Variants in PPARGC1A observed in about 807,000 individuals in gnomAD.
The protein encoded by PPARGC1A is PPARG coactivator 1 alpha.
A neutral mutation model predicts 88.7 loss-of-function variants in PPARGC1A; 25 were observed. The ratio of observed to expected loss-of-function variants is 0.28; its 90% CI spans 0.21 to 0.39. The LOEUF (loss-of-function observed/expected upper bound fraction) is 0.39, where lower values mean the gene tolerates loss of function less well. Among genes scored for constraint, PPARGC1A ranks in the 10% least tolerant of loss-of-function variants. The pLI is 1.00. For synonymous variants in PPARGC1A, 363 were observed against 355.6 expected, an observed-to-expected ratio of 1.02 and a Z score of -0.24; for missense variants, 880 against 968.7, an observed-to-expected ratio of 0.91 and a Z score of 1.22.
the PPARGC1A span, among the ~76,000 whole-genome samples, chr4:24,398,786 C>G: frequency 2.0e-5 from 3 of 152,184 alleles, no homozygotes; most frequent in Non-Finnish European, 2.9e-5. Flanking sequence ...ATGTGCATTT[C>G]TCCACATCTT....
At chr4:23,920,220 G>A in the PPARGC1A span, among the ~76,000 whole-genome samples, 89 of 152,258 alleles carry the variant, frequency 5.8e-4, 1 homozygote, top group Non-Finnish European at 7.1e-4. Context: ...AAATATAACA[G>A]TATGGGTTAA....
At chr4:23,837,715 T>G (rs1316855097) in intron 2 of PPARGC1A, among the ~76,000 whole-genome samples, 1 of 152,236 alleles carries the variant, frequency 6.6e-6, no homozygotes, top group East Asian at 1.9e-4. Flanking sequence ...AATGACATTC[T>G]TGGATTATCC....
the PPARGC1A span, among the ~76,000 whole-genome samples, chr4:24,342,984 C>T: frequency 5.8e-4 from 88 of 152,322 alleles, no homozygotes; most frequent in East Asian, 5.8e-3. Context: ...CTGTGCCATC[C>T]TCATGTTATG....
the PPARGC1A span, among the ~76,000 whole-genome samples, chr4:24,180,517 T>C: frequency 6.6e-6 from 1 of 152,232 alleles, no homozygotes; most frequent in Admixed American, 6.5e-5. Flanking sequence ...TTCTCAGCTA[T>C]ATAGAAAAGG....
chr4:24,347,060 T>A, the PPARGC1A span, among the ~76,000 whole-genome samples: 1 of 152,338 alleles, frequency 6.6e-6, no homozygotes, highest in East Asian at 1.9e-4. Context: ...AATTTCCATG[T>A]ATTTGCATGG....
chr4:24,314,241 G>A, the PPARGC1A span, among the ~76,000 whole-genome samples: 4 of 152,190 alleles, frequency 2.6e-5, no homozygotes, highest in Admixed American at 2.0e-4. Context: ...CTGTGCTATG[G>A]TTTGAATGTT....
the PPARGC1A span, among the ~76,000 whole-genome samples, chr4:23,964,293 T>C: frequency 6.6e-6 from 1 of 152,228 alleles, no homozygotes; most frequent in Non-Finnish European, 1.5e-5. Context: ...CAACACTTTG[T>C]CTTCAGAATC....
the PPARGC1A span, among the ~76,000 whole-genome samples, chr4:24,366,008 A>G: frequency 1.3e-5 from 2 of 152,194 alleles, no homozygotes; most frequent in Non-Finnish European, 2.9e-5. Flanking sequence ...GTGGAGAGGA[A>G]GTAAGGGAAA....
the PPARGC1A span, among the ~76,000 whole-genome samples, chr4:24,373,965 C>A: frequency 6.6e-6 from 1 of 152,202 alleles, no homozygotes; most frequent in East Asian, 1.9e-4. Context: ...AGCACAGACA[C>A]ACAGAAATCA....
the PPARGC1A span, among the ~76,000 whole-genome samples, chr4:23,922,899 C>T: frequency 2.0e-5 from 3 of 152,168 alleles, no homozygotes; most frequent in Non-Finnish European, 4.4e-5. Flanking sequence ...GCCATTTCAA[C>T]TGGGGGCCAC....
chr4:23,866,510 T>C (rs1334799961), intron 2 of PPARGC1A, among the ~76,000 whole-genome samples: 2 of 152,220 alleles, frequency 1.3e-5, no homozygotes, highest in African/African-American at 2.4e-5. Flanking sequence ...TAACACAAGA[T>C]AGGCCGAACA....
chr4:24,026,941 T>G, the PPARGC1A span, among the ~76,000 whole-genome samples: 1 of 152,124 alleles, frequency 6.6e-6, no homozygotes, highest in African/African-American at 2.4e-5. Flanking sequence ...TTCCCTCAAA[T>G]TTTATAAATA....
At chr4:24,174,632 C>A in the PPARGC1A span, among the ~76,000 whole-genome samples, 1 of 152,196 alleles carries the variant, frequency 6.6e-6, no homozygotes, top group Admixed American at 6.5e-5. Context: ...GAAAGACAGA[C>A]CCAAAGCTCA....
At chr4:24,305,257 T>C in the PPARGC1A span, among the ~76,000 whole-genome samples, 2 of 150,832 alleles carry the variant, frequency 1.3e-5, no homozygotes, top group East Asian at 3.9e-4. Context: ...ATATAATATA[T>C]ATATGATATC....
chr4:23,931,118 A>T, the PPARGC1A span, among the ~76,000 whole-genome samples: 1 of 152,124 alleles, frequency 6.6e-6, no homozygotes, highest in Non-Finnish European at 1.5e-5. Context: ...GGGGACAGGG[A>T]AAGGAATTGG....
At chr4:23,884,952 A>C in intron 1 of PPARGC1A, 21 bp from the exon 2 acceptor site, 1 of 1,526,788 alleles carries the variant, frequency 6.5e-7, no homozygotes, top group Non-Finnish European at 8.8e-7. Flanking sequence ...CAGAAAAAAA[A>C]AATTTAAAAA....
the PPARGC1A span, among the ~76,000 whole-genome samples, chr4:24,101,343 G>A: frequency 6.6e-6 from 1 of 152,272 alleles, no homozygotes; most frequent in East Asian, 1.9e-4. Context: ...CATGCTTCCT[G>A]TACAGTCTGC....
chr4:23,954,987 G>A, the PPARGC1A span, among the ~76,000 whole-genome samples: 1 of 152,020 alleles, frequency 6.6e-6, no homozygotes, highest in Non-Finnish European at 1.5e-5. Context: ...AGATGTCAGA[G>A]TGTAGCTAAT....
At chr4:24,226,263 T>C in the PPARGC1A span, among the ~76,000 whole-genome samples, 1 of 152,140 alleles carries the variant, frequency 6.6e-6, no homozygotes, top group East Asian at 1.9e-4. Flanking sequence ...TGGAAATCTG[T>C]TCACAGCTCA....
Sources: gnomAD v4.1 joint callset for allele counts (sites outside exome capture counted in the v4.1 genomes callset) on GRCh38, gnomAD v4.1.1 for gene constraint, MANE v1.5 for transcripts, NCBI Gene and HGNC (gene_info 2026-07-23, HGNC 2026-07-21) for gene names.